NRXN1: variants seen among roughly 807,000 people sequenced by gnomAD.
NRXN1 encodes the protein neurexin 1, also known as neurexin-1.
Under a neutral mutation model 150.9 loss-of-function variants are expected in NRXN1, and 39 were observed. That is an observed-to-expected ratio of 0.26 (90% CI 0.20 to 0.34). NRXN1 has a LOEUF of 0.34. Among genes scored for constraint, NRXN1 ranks in the 10% least tolerant of loss-of-function variants. The probability of loss-of-function intolerance (pLI) is 1.00; values close to 1 mark genes in which losing one functional copy is unlikely to be tolerated. For synonymous variants in NRXN1, 924 were observed against 757.0 expected (o/e 1.22, Z -3.62); for missense variants, 1,815 against 1,949.9 (o/e 0.93, Z 1.30).
chr2:50,979,377 C>G (rs1329161414), intron 2 of NRXN1: 3 of 443,426 alleles, frequency 6.8e-6, no homozygotes, highest in Admixed American at 2.6e-5. Context: ...ACCTTGGAAA[C>G]TTGCCAGTTT....
At chr2:50,220,782 T>C (rs948664852) in intron 18 of NRXN1, among the ~76,000 whole-genome samples, 1 of 151,922 alleles carries the variant, frequency 6.6e-6, no homozygotes, top group Non-Finnish European at 1.5e-5. Flanking sequence ...GATTGGAAAA[T>C]AGCTCATGGA....
intron 2 of NRXN1, among the ~76,000 whole-genome samples, chr2:50,949,525 G>C (rs946895780): frequency 6.6e-6 from 1 of 152,012 alleles, no homozygotes; most frequent in African/African-American, 2.4e-5. Flanking sequence ...CAATAATTCT[G>C]CTTCATCTCT....
At chr2:50,581,545 T>C (rs1391129584) in intron 8 of NRXN1, among the ~76,000 whole-genome samples, 2 of 152,184 alleles carry the variant, frequency 1.3e-5, no homozygotes, top group East Asian at 1.9e-4. Context: ...CCAATAAGTA[T>C]GGGCTGAGTT....
intron 18 of NRXN1, among the ~76,000 whole-genome samples, chr2:50,205,698 A>T (rs543155882): frequency 6.6e-6 from 1 of 152,250 alleles, no homozygotes; most frequent in Non-Finnish European, 1.5e-5. Context: ...AGGTGGAAAT[A>T]ACCCAAATAT....
At chr2:50,664,702 G>A (rs1422717485) in intron 5 of NRXN1, among the ~76,000 whole-genome samples, 1 of 151,010 alleles carries the variant, frequency 6.6e-6, no homozygotes, top group Non-Finnish European at 1.5e-5. Flanking sequence ...AAAAACCAAA[G>A]CACATACTTT....
intron 5 of NRXN1, among the ~76,000 whole-genome samples, chr2:50,756,733 G>A (rs1271997524): frequency 6.6e-6 from 1 of 151,816 alleles, no homozygotes; most frequent in African/African-American, 2.4e-5. Flanking sequence ...AATTTCTCAT[G>A]TTAAGATCCA....
chr2:50,727,922 A>C (rs1697593529), intron 5 of NRXN1, among the ~76,000 whole-genome samples: 2 of 152,278 alleles, frequency 1.3e-5, no homozygotes, highest in South Asian at 4.2e-4. Context: ...TTGTTAAGCC[A>C]CAGGGTATCT....
chr2:50,849,594 T>G (rs533002794), intron 5 of NRXN1, among the ~76,000 whole-genome samples: 1 of 152,288 alleles, frequency 6.6e-6, no homozygotes, highest in Non-Finnish European at 1.5e-5. Context: ...CTTCTTTTGT[T>G]TCAGCACAGT....
At chr2:50,884,050 T>G (rs577156840) in intron 5 of NRXN1, among the ~76,000 whole-genome samples, 3 of 151,768 alleles carry the variant, frequency 2.0e-5, no homozygotes, top group Non-Finnish European at 2.9e-5. Flanking sequence ...TATGCTTCGA[T>G]AAAAAGTTAA....
At chr2:50,829,459 C>T (rs561683852) in intron 5 of NRXN1, 1 of 1,553,392 alleles carries the variant, frequency 6.4e-7, no homozygotes, top group African/African-American at 1.4e-5. Context: ...CTGATGTAGC[C>T]TGACAGCAGG....
chr2:50,468,266 A>C (rs1192826467), intron 16 of NRXN1, among the ~76,000 whole-genome samples: 2 of 151,636 alleles, frequency 1.3e-5, no homozygotes, highest in Non-Finnish European at 3.0e-5. Flanking sequence ...ATCTTAGAAA[A>C]ATAATCTGCC....
chr2:50,289,948 AC>A (rs1341353450), intron 17 of NRXN1, among the ~76,000 whole-genome samples: 2 of 152,298 alleles, frequency 1.3e-5, no homozygotes, highest in East Asian at 3.9e-4. Flanking sequence ...TCCTGAGACA[AC>A]CCAGTTATTG....
chr2:51,031,509 A>AC (rs1223007338), intron 1 of NRXN1, among the ~76,000 whole-genome samples: 1 of 151,902 alleles, frequency 6.6e-6, no homozygotes, highest in Admixed American at 6.6e-5. Flanking sequence ...TTATTATTTC[A>AC]CCCCTGGCTT....
intron 21 of NRXN1, among the ~76,000 whole-genome samples, chr2:49,965,769 C>T (rs1318930961): frequency 6.6e-6 from 1 of 152,152 alleles, no homozygotes; most frequent in Non-Finnish European, 1.5e-5. Context: ...GCTGTGCTGT[C>T]AATCACTTAT....
intron 5 of NRXN1, among the ~76,000 whole-genome samples, chr2:50,624,183 C>T (rs1573845747): frequency 1.3e-5 from 2 of 152,196 alleles, no homozygotes; most frequent in Non-Finnish European, 2.9e-5. Flanking sequence ...GAAAATGTGG[C>T]ACATATACAC....
chr2:50,447,307 G>A (rs911349043), intron 17 of NRXN1, among the ~76,000 whole-genome samples: 2 of 151,260 alleles, frequency 1.3e-5, no homozygotes, highest in African/African-American at 4.9e-5. Context: ...AACCCCATCT[G>A]TACTATTAAT....
At chr2:49,943,880 G>C in intron 21 of NRXN1, 89 bp from the exon 22 acceptor site, 1 of 992,784 alleles carries the variant, frequency 1.0e-6, no homozygotes, top group Non-Finnish European at 1.6e-6. Context: ...AATACAATTT[G>C]TTTATCAAGA....
At chr2:50,614,983 A>G (rs1278507570) in intron 8 of NRXN1, among the ~76,000 whole-genome samples, 1 of 152,164 alleles carries the variant, frequency 6.6e-6, no homozygotes. Flanking sequence ...TTAAGGAATC[A>G]ATCATTTTTT....
At chr2:50,817,441 T>A (rs958676787) in intron 5 of NRXN1, among the ~76,000 whole-genome samples, 1 of 152,044 alleles carries the variant, frequency 6.6e-6, no homozygotes, top group East Asian at 1.9e-4. Context: ...AAAATAGTGC[T>A]AATTCTTCTC....
Sources: allele counts gnomAD v4.1 joint callset (sites outside exome capture counted in the v4.1 genomes callset), GRCh38; gene constraint gnomAD v4.1.1; transcripts MANE v1.5; gene names NCBI Gene and HGNC (gene_info 2026-07-23, HGNC 2026-07-21).